RTL10: variants seen among roughly 807,000 people sequenced by gnomAD.
RTL10 encodes the protein retrotransposon Gag like 10.
For missense variants in RTL10, 477 were observed against 470.7 expected (o/e 1.01, Z -0.12); for synonymous variants, 199 against 188.4 (o/e 1.06, Z -0.46).
At chr22:19,853,724 G>A (rs560760365) in intron 2 of RTL10, among the ~76,000 whole-genome samples, 3 of 152,156 alleles carry the variant, frequency 2.0e-5, no homozygotes, top group African/African-American at 7.2e-5. Flanking sequence ...CCTCTGGGGG[G>A]GGGGTCTTCA....
rs1400537619 is a variant in RTL10, at chr22:19,849,455, GC to G, written c.*1711del. ...GTGATCTCGGCTCACCACACCCTCT[GC>G]CTCCTGGGTTCAAGCAATTCTTCTG... On this transcript the variant is annotated 3_prime_UTR_variant, in exon 3 of 3. Transcript: ENST00000328554. 20 of 330,808 alleles carry G rather than the reference GC, an allele frequency of 6.0e-5. No individual in the cohort carries two copies. Among genetic ancestry groups the G allele is most frequent in the African/African-American group, 4.1e-4 (18 of 43,630 alleles). The allele number at this position is 330,808 out of a possible 1,614,324, so 20.5% of individuals were successfully genotyped here. A position where few individuals can be genotyped will look rare whatever the true frequency, so the allele number is the denominator to read the frequency against.
At chr22:19,852,878 G>A (rs1006053011) in intron 2 of RTL10, among the ~76,000 whole-genome samples, 1 of 152,154 alleles carries the variant, frequency 6.6e-6, no homozygotes, top group Non-Finnish European at 1.5e-5. Context: ...CCCATAAGTG[G>A]TGGAAGCAGC....
chr22:19,852,302 T>G lies in RTL10; in HGVS notation c.-41A>C, dbSNP rs1938127447. The G allele has an allele frequency of 6.4e-7, 1 of 1,565,858 alleles. No individual in the cohort carries two copies. The highest frequency in any genetic ancestry group is 1.4e-5 in the African/African-American group (1 of 73,916). On this transcript the variant is annotated 5_prime_UTR_variant, in exon 3 of 3. Coordinates refer to ENST00000328554, the MANE Select transcript of RTL10 (RefSeq NM_024627.6). Reference sequence around the variant, plus strand: ...GAGAAGAGAGGAGAGCCAGCACTGGTGGGTGGTGGGGGTGTGGACAGATGT... The same window carrying G: ...GAGAAGAGAGGAGAGCCAGCACTGGGGGGTGGTGGGGGTGTGGACAGATGT...
chr22:19,853,059 T>C (rs1460992821), intron 2 of RTL10, among the ~76,000 whole-genome samples: 1 of 152,188 alleles, frequency 6.6e-6, no homozygotes, highest in Non-Finnish European at 1.5e-5. Context: ...AGGTCCTACC[T>C]GCTTCCCCGA....
intron 2 of RTL10, among the ~76,000 whole-genome samples, chr22:19,854,208 A>G (rs1190430122): frequency 6.6e-6 from 1 of 152,058 alleles, no homozygotes; most frequent in Non-Finnish European, 1.5e-5. Flanking sequence ...GGACAGCACT[A>G]TCCTAAAGGG....
Position 19,852,108 on chromosome 22 carries a change from A to C in RTL10, c.154T>G (p.Cys52Gly). The C allele has an allele frequency of 6.2e-7, 1 of 1,614,234 alleles. No homozygotes were observed. The highest frequency in any genetic ancestry group is 1.6e-4 in the Middle Eastern group (1 of 6,062). Residue 52 changes from cysteine (C) to glycine (G), a missense_variant, in exon 3 of 3, where the codon TGT becomes GGT. Physicochemically the swap from Cys to Gly is radical, Grantham distance 159. Transcript: ENST00000328554. Reference protein sequence around the residue: ...LVDPWIERPCCGDTVCVRTTM... With the variant: ...LVDPWIERPCGGDTVCVRTTM... ...GTTCGCACACACACGGTGTCCCCACAGCAGGGCCGCTCAATCCAGGGATCC... is the reference window on the plus strand; with the variant it reads ...GTTCGCACACACACGGTGTCCCCACCGCAGGGCCGCTCAATCCAGGGATCC...
In RTL10 at chr22:19,850,384, T is replaced by A; in HGVS notation, c.*783A>T. On this transcript the variant is annotated 3_prime_UTR_variant, in exon 3 of 3. Coordinates refer to ENST00000328554, the MANE Select transcript of RTL10 (RefSeq NM_024627.6). ...TAGGGCTTAAGTGCTGAATCCGCAA[T>A]GCATGCGAGTGCGGAGTGAGCAGGG... is the stretch of plus-strand genomic sequence containing the variant. 1 of 988,138 alleles carries A rather than the reference T, an allele frequency of 1.0e-6. No homozygotes were observed. Among genetic ancestry groups the A allele is most frequent in the Non-Finnish European group, 1.2e-6 (1 of 831,874 alleles). The allele number at this position is 988,138 out of a possible 1,614,324, so 61.2% of individuals were successfully genotyped here.
Position 19,847,122 on chromosome 22 carries a change from A to G in RTL10, c.*4045T>C. The G allele has an allele frequency of 1.0e-6, 1 of 985,444 alleles. No homozygotes were observed. Among genetic ancestry groups the G allele is most frequent in the Non-Finnish European group, 1.2e-6 (1 of 829,942 alleles). The allele number at this position is 985,444 out of a possible 1,614,324, so 61.0% of individuals were successfully genotyped here. A position where few individuals can be genotyped will look rare whatever the true frequency, so the allele number is the denominator to read the frequency against. Reference sequence around the variant, plus strand: ...CAGAAATGGAAGTGGGGTGACACACATTACTTGTGGCCTGCTGTGGCCTTT... The same window carrying G: ...CAGAAATGGAAGTGGGGTGACACACGTTACTTGTGGCCTGCTGTGGCCTTT... On this transcript the variant is annotated 3_prime_UTR_variant, in exon 3 of 3. Transcript: ENST00000328554.
chr22:19,846,788 G>C lies in RTL10; in HGVS notation c.*4379C>G. 1 of 446,518 alleles carries C rather than the reference G, an allele frequency of 2.2e-6. No individual in the cohort carries two copies. The highest frequency in any genetic ancestry group is 1.6e-4 in the East Asian group (1 of 6,400). The allele number at this position is 446,518 out of a possible 1,614,324, so 27.7% of individuals were successfully genotyped here. A position where few individuals can be genotyped will look rare whatever the true frequency, so the allele number is the denominator to read the frequency against. Reference sequence around the variant, plus strand: ...GATGGCTATCTGCAGGCCAAGGAGCGAGGCCTCAGGAGAAACCAACCCTGC... The same window carrying C: ...GATGGCTATCTGCAGGCCAAGGAGCCAGGCCTCAGGAGAAACCAACCCTGC... On this transcript the variant is annotated 3_prime_UTR_variant, in exon 3 of 3. Coordinates refer to ENST00000328554, the MANE Select transcript of RTL10 (RefSeq NM_024627.6).
chr22:19,850,274 T>C lies in RTL10; in HGVS notation c.*893A>G, dbSNP rs868410996. On this transcript the variant is annotated 3_prime_UTR_variant, in exon 3 of 3. Transcript: ENST00000328554. ...ACGTGTTTAATGAGCACCAATTGTG[T>C]ACCAGGCCACAGAGCTGACTAAGAC... The C allele has an allele frequency of 1.7e-5, 17 of 983,344 alleles. No homozygotes were observed. Among genetic ancestry groups the C allele is most frequent in the East Asian group, 2.3e-4 (2 of 8,816 alleles). 60.9% of individuals were successfully genotyped at this position (983,344 alleles called of 1,614,324 possible). A position where few individuals can be genotyped will look rare whatever the true frequency, so the allele number is the denominator to read the frequency against.
At chr22:19,853,653 C>A (rs1183103115) in intron 2 of RTL10, among the ~76,000 whole-genome samples, 1 of 152,114 alleles carries the variant, frequency 6.6e-6, no homozygotes. Flanking sequence ...CTAGAACCTG[C>A]CAGGGCCACT....
Position 19,846,398 on chromosome 22 carries a change from G to A in RTL10, c.*4769C>T, listed in dbSNP as rs1008744134. 1 of 983,836 alleles carries A rather than the reference G, an allele frequency of 1.0e-6. No individual in the cohort carries two copies. The highest frequency in any genetic ancestry group is 1.2e-6 in the Non-Finnish European group (1 of 828,488). The allele number at this position is 983,836 out of a possible 1,614,324, so 60.9% of individuals were successfully genotyped here. On this transcript the variant is annotated 3_prime_UTR_variant, in exon 3 of 3. Coordinates refer to ENST00000328554, the MANE Select transcript of RTL10 (RefSeq NM_024627.6). ...AAACAGCATCCCATACAGCACAACT[G>A]GGCACTGCCTACTCAACAGCCAAGG...
rs1937962936 is a variant in RTL10, at chr22:19,846,465, G to A, written c.*4702C>T. 1.0e-6 allele frequency: 1 copy of A among 985,218 alleles called. No homozygotes were observed. The highest frequency in any genetic ancestry group is 6.1e-5 in the Admixed American group (1 of 16,268). The allele number at this position is 985,218 out of a possible 1,614,324, so 61.0% of individuals were successfully genotyped here. Reference sequence around the variant, plus strand: ...CCTCAGTATGGGCCCCAGAACCCAGGGCCTGGGGGACTCTGCACACAGGCA... The same window carrying A: ...CCTCAGTATGGGCCCCAGAACCCAGAGCCTGGGGGACTCTGCACACAGGCA... On this transcript the variant is annotated 3_prime_UTR_variant, in exon 3 of 3. Coordinates refer to ENST00000328554, the MANE Select transcript of RTL10 (RefSeq NM_024627.6).
In RTL10 at chr22:19,848,392, G is replaced by A. The variant is rs1887034117; in HGVS notation, c.*2775C>T. The A allele has an allele frequency of 2.0e-6, 2 of 985,468 alleles. No homozygotes were observed. The highest frequency in any genetic ancestry group is 2.4e-6 in the Non-Finnish European group (2 of 829,982). 61.0% of individuals were successfully genotyped at this position (985,468 alleles called of 1,614,324 possible). A position where few individuals can be genotyped will look rare whatever the true frequency, so the allele number is the denominator to read the frequency against. ...CCAGAAGAGAAAAACAACCCAGGGG[G>A]AATGCCTCCTTCCCCCAGCAGGAAA... On this transcript the variant is annotated 3_prime_UTR_variant, in exon 3 of 3. Coordinates refer to ENST00000328554, the MANE Select transcript of RTL10 (RefSeq NM_024627.6).
rs374008552 is a variant in RTL10, at chr22:19,852,166, C to T, written c.96G>A (p.Lys32=). ...GGGTGTATGCCACCCCAGGAGACGC[C>T]TTGTCCATCTGCTGCCATGGATGTG... ...ANAHPWQQMD[K]ASPGVAYTPL... is the part of the protein sequence containing the mutation. The change falls in exon 3 of 3, where the codon AAG becomes AAA. Residue 32 remains lysine, a synonymous_variant. Coordinates refer to ENST00000328554, the MANE Select transcript of RTL10 (RefSeq NM_024627.6). 16 of 1,613,976 alleles carry T rather than the reference C, an allele frequency of 9.9e-6. No homozygotes were observed. The African/African-American group carries it at 1.7e-4, about 17-fold the overall frequency.
At position 19,847,527 on chromosome 22, in the gene RTL10, A is replaced by C. The variant is rs1009747261; in HGVS notation, c.*3640T>G. 1 of 985,298 alleles carries C rather than the reference A, an allele frequency of 1.0e-6. No homozygotes were observed. The highest frequency in any genetic ancestry group is 6.1e-5 in the Admixed American group (1 of 16,264). The allele number at this position is 985,298 out of a possible 1,614,324, so 61.0% of individuals were successfully genotyped here. On this transcript the variant is annotated 3_prime_UTR_variant, in exon 3 of 3. Coordinates refer to ENST00000328554, the MANE Select transcript of RTL10 (RefSeq NM_024627.6). ...GAAAAACTCTGGTCACAGCTCAAAA[A>C]GGTCAGGTAAGGACCCTCAGCTCAT...
rs527599768 is a variant in RTL10, at chr22:19,850,891, G to A, written c.*276C>T. The A allele has an allele frequency of 3.0e-6, 4 of 1,345,602 alleles. No homozygotes were observed. The highest frequency in any genetic ancestry group is 1.5e-5 in the African/African-American group (1 of 68,154). The allele number at this position is 1,345,602 out of a possible 1,614,324, so 83.4% of individuals were successfully genotyped here. On this transcript the variant is annotated 3_prime_UTR_variant, in exon 3 of 3. Coordinates refer to ENST00000328554, the MANE Select transcript of RTL10 (RefSeq NM_024627.6). ...GATCTACAAAACGACCCCCTCGTGG[G>A]AGCAGGCCTGGGTGAGACGGCACTC... is the stretch of plus-strand genomic sequence containing the variant.
rs1341342149 is a variant in RTL10, at chr22:19,851,787, C to A, written c.475G>T (p.Asp159Tyr). 6.2e-7 allele frequency: 1 copy of A among 1,613,660 alleles called. No individual in the cohort carries two copies. The highest frequency in any genetic ancestry group is 1.7e-5 in the Admixed American group (1 of 60,002). ...RAQAWAAPYL[D>Y]GDLPLPDDYE... is the part of the protein sequence containing the mutation. ...TCGTCAGGCAGGGGCAGGTCCCCAT[C>A]AAGGTAGGGGGCTGCCCAGGCCTGG... is the stretch of plus-strand genomic sequence containing the variant. Residue 159 changes from aspartate to tyrosine, a missense_variant, in exon 3 of 3, where the codon GAT becomes TAT. Physicochemically the swap from Asp to Tyr is radical, Grantham distance 160. Coordinates refer to ENST00000328554, the MANE Select transcript of RTL10 (RefSeq NM_024627.6).
rs768865964 is a variant in RTL10, at chr22:19,846,257, C to T, written c.*4910G>A. 2.7e-5 allele frequency: 6 copies of T among 219,504 alleles called. No homozygotes were observed. Among genetic ancestry groups the T allele is most frequent in the Non-Finnish European group, 4.6e-5 (6 of 129,420 alleles). 13.6% of individuals were successfully genotyped at this position (219,504 alleles called of 1,614,324 possible). A position where few individuals can be genotyped will look rare whatever the true frequency, so the allele number is the denominator to read the frequency against. Reference sequence around the variant, plus strand: ...ATGACAGCAGACCCCTCCCTTCTGCCGCAGTTACACTTACAGGTGGACTCA... The same window carrying T: ...ATGACAGCAGACCCCTCCCTTCTGCTGCAGTTACACTTACAGGTGGACTCA... On this transcript the variant is annotated 3_prime_UTR_variant, in exon 3 of 3. Coordinates refer to ENST00000328554, the MANE Select transcript of RTL10 (RefSeq NM_024627.6).
Sources: gnomAD v4.1 joint callset for allele counts (sites outside exome capture counted in the v4.1 genomes callset) on GRCh38, gnomAD v4.1.1 for gene constraint, MANE v1.5 for transcripts, NCBI Gene and HGNC (gene_info 2026-07-23, HGNC 2026-07-21) for gene names.